SAMD13: variants seen among roughly 807,000 people sequenced by gnomAD.
The protein encoded by SAMD13 is sterile alpha motif domain-containing protein 13.
In SAMD13, 9 loss-of-function variants were observed where a neutral mutation model predicts 12.4. The ratio of observed to expected loss-of-function variants is 0.72; its 90% CI spans 0.44 to 1.26. The LOEUF is 1.26. SAMD13 is among the 50% of genes most tolerant of loss of function. SAMD13 has a pLI of 0.00. For synonymous variants in SAMD13, 46 were observed against 45.4 expected (o/e 1.01, Z -0.05); for missense variants, 84 against 119.6 (o/e 0.70, Z 1.39).
At chr1:84,337,582 C>G (rs1034374859) in intron 3 of SAMD13, among the ~76,000 whole-genome samples, 1 of 152,182 alleles carries the variant, frequency 6.6e-6, no homozygotes, top group Non-Finnish European at 1.5e-5. Context: ...GCCCACAAAA[C>G]CATCTTTTCC....
At chr1:84,346,908 A>C (rs1679546369) in intron 3 of SAMD13, among the ~76,000 whole-genome samples, 1 of 151,812 alleles carries the variant, frequency 6.6e-6, no homozygotes, top group South Asian at 2.1e-4. Context: ...GGCAGAAAGG[A>C]AGCAGAAGGT....
At chr1:84,306,312 T>C (rs1699157) in intron 2 of SAMD13, among the ~76,000 whole-genome samples, 131,238 of 151,918 alleles carry the variant, frequency 0.86, 57,597 homozygotes, top group Non-Finnish European at 0.96. Flanking sequence ...TTTTTTATAT[T>C]GATGTTATAT....
chr1:84,299,625 CAGTT>C (rs1467807562), upstream of SAMD13: 6 of 1,511,074 alleles, frequency 4.0e-6, no homozygotes, highest in Non-Finnish European at 4.5e-6. Flanking sequence ...TGATGGCAAA[CAGTT>C]TGTTGGAGGG....
In SAMD13 at chr1:84,340,436, A is replaced by T. The variant is rs1365082435; in HGVS notation, c.166-9195A>T. On this transcript the variant is annotated intron_variant, in intron 3 of 3. Coordinates refer to ENST00000394834, the MANE Select transcript of SAMD13 (RefSeq NM_001134663.2). Reference sequence around the variant, plus strand: ...TGGGGGAGTAGGGAGTTATTAAGTAATGTGTGGATAATTTCTTTTTGAGAT... The same window carrying T: ...TGGGGGAGTAGGGAGTTATTAAGTATTGTGTGGATAATTTCTTTTTGAGAT... 3.3e-5 allele frequency among the ~76,000 whole-genome samples: 5 copies of T among 152,194 alleles called. No individual in the cohort carries two copies. In the East Asian group the frequency reaches 7.7e-4, roughly 23 times the overall value.
intron 2 of SAMD13, among the ~76,000 whole-genome samples, chr1:84,310,592 T>C (rs549644186): frequency 5.9e-5 from 9 of 152,320 alleles, no homozygotes; most frequent in Admixed American, 1.3e-4. Context: ...ATTCCAAACA[T>C]ATTTAAAAGT....
upstream of SAMD13, chr1:84,299,508 C>T: frequency 1.1e-6 from 1 of 935,462 alleles, no homozygotes; most frequent in Non-Finnish European, 1.5e-6. Context: ...ACACACACCC[C>T]CACATACGTA....
chr1:84,349,369 G>A (rs1020984835), intron 3 of SAMD13, among the ~76,000 whole-genome samples: 8 of 152,136 alleles, frequency 5.3e-5, no homozygotes, highest in African/African-American at 1.2e-4. Context: ...GTAAGCTTGC[G>A]ATCTGTTTTT....
At chr1:84,322,067 G>A (rs1570242579) in intron 2 of SAMD13, among the ~76,000 whole-genome samples, 1 of 152,226 alleles carries the variant, frequency 6.6e-6, no homozygotes, top group East Asian at 1.9e-4. Context: ...TTCTAGGCAG[G>A]CGGAACTAAC....
At chr1:84,333,750 T>C (rs558124355) in intron 3 of SAMD13, among the ~76,000 whole-genome samples, 18 of 152,260 alleles carry the variant, frequency 1.2e-4, no homozygotes, top group Admixed American at 1.0e-3. Flanking sequence ...TTGTTAAGGA[T>C]TTTTAACATG....
chr1:84,349,574 C>T, intron 3 of SAMD13, 57 bp from the exon 4 acceptor site: 1 of 1,564,584 alleles, frequency 6.4e-7, no homozygotes, highest in Non-Finnish European at 8.7e-7. Context: ...CTTTTGTCTT[C>T]ATTATCCTTG....
chr1:84,300,711 A>T (rs1678436789), upstream of SAMD13, among the ~76,000 whole-genome samples: 1 of 152,194 alleles, frequency 6.6e-6, no homozygotes, highest in African/African-American at 2.4e-5. Context: ...GGATGAGATT[A>T]TTCTCCTGGA....
chr1:84,341,977 A>G (rs1008902063), intron 3 of SAMD13, among the ~76,000 whole-genome samples: 28 of 152,318 alleles, frequency 1.8e-4, no homozygotes, highest in African/African-American at 5.8e-4. Flanking sequence ...TTTCTGCTTC[A>G]CTGTCATTCA....
intron 2 of SAMD13, among the ~76,000 whole-genome samples, chr1:84,311,478 G>T (rs1260184760): frequency 2.6e-5 from 4 of 152,092 alleles, no homozygotes; most frequent in African/African-American, 9.7e-5. Flanking sequence ...ACGTGCATTG[G>T]CAAAGAACAC....
intron 3 of SAMD13, among the ~76,000 whole-genome samples, chr1:84,335,110 G>A (rs553519349): frequency 2.2e-4 from 34 of 152,034 alleles, no homozygotes; most frequent in Non-Finnish European, 5.0e-4. Context: ...TTAGTTGTCT[G>A]CCTTGATGGT....
In SAMD13 at chr1:84,330,266, A is replaced by G. The variant is rs74095549; in HGVS notation, c.165+4518A>G. Among the ~76,000 whole-genome samples, 211 of 152,314 alleles carry G rather than the reference A, an allele frequency of 1.4e-3. 1 individual carries two copies. Among genetic ancestry groups the G allele is most frequent in the African/African-American group, 4.7e-3 (195 of 41,588 alleles). On this transcript the variant is annotated intron_variant, in intron 3 of 3. Transcript: ENST00000394834. ...TCAAGCTCCTGCTTTAAGAGTCAAA[A>G]TATGTAATCTTAAAACTGGTCCTCA...
chr1:84,326,254 A>G (rs535585743), intron 3 of SAMD13, among the ~76,000 whole-genome samples: 23 of 152,128 alleles, frequency 1.5e-4, no homozygotes, highest in Non-Finnish European at 2.8e-4. Context: ...TTCTATCTCT[A>G]TGTGACCCTA....
At chr1:84,341,689 G>A (rs1479108779) in intron 3 of SAMD13, among the ~76,000 whole-genome samples, 1 of 152,108 alleles carries the variant, frequency 6.6e-6, no homozygotes, top group Non-Finnish European at 1.5e-5. Flanking sequence ...GAAAGGGACT[G>A]ATAACCCTGG....
At chr1:84,304,782 CAT>C (rs1407901733) in intron 2 of SAMD13, among the ~76,000 whole-genome samples, 28 of 152,048 alleles carry the variant, frequency 1.8e-4, no homozygotes, top group Admixed American at 1.0e-3. Flanking sequence ...CACACACACA[CAT>C]ATAGTTTCTG....
At chr1:84,321,913 G>A (rs963980323) in intron 2 of SAMD13, among the ~76,000 whole-genome samples, 1 of 152,184 alleles carries the variant, frequency 6.6e-6, no homozygotes, top group Non-Finnish European at 1.5e-5. Context: ...ATCATCCATC[G>A]TGCATTAACA....
Sources: allele counts gnomAD v4.1 joint callset (sites outside exome capture counted in the v4.1 genomes callset), GRCh38; gene constraint gnomAD v4.1.1; transcripts MANE v1.5; gene names NCBI Gene and HGNC (gene_info 2026-07-23, HGNC 2026-07-21).